Variants in DYNC2H1 observed in about 807,000 individuals in gnomAD.
The protein encoded by DYNC2H1 is cytoplasmic dynein 2 heavy chain 1.
A neutral mutation model predicts 570.0 loss-of-function variants in DYNC2H1; 410 were observed. That is an observed-to-expected ratio of 0.72 (90% CI 0.66 to 0.78). DYNC2H1 has a LOEUF of 0.78. DYNC2H1 is among the 30% of genes least tolerant of loss of function. The pLI is 0.00. For missense variants in DYNC2H1, 4,865 were observed against 5,046.4 expected, an observed-to-expected ratio of 0.96 and a Z score of 1.09; for synonymous variants, 1,688 against 1,677.6, an observed-to-expected ratio of 1.01 and a Z score of -0.15.
At chr11:103,440,860 C>A (rs1382338860) in intron 85 of DYNC2H1, among the ~76,000 whole-genome samples, 2 of 152,164 alleles carry the variant, frequency 1.3e-5, no homozygotes, top group Non-Finnish European at 2.9e-5. Context: ...ATTGAGGTAC[C>A]TTTTACTATC....
In DYNC2H1 at chr11:103,181,999, GA is replaced by G. The variant is rs906582694; in HGVS notation, c.6477+114del. The G allele has an allele frequency of 2.5e-6, 3 of 1,198,960 alleles. No homozygotes were observed. The African/African-American group carries it at 4.7e-5, about 19-fold the overall frequency. The allele number at this position is 1,198,960 out of a possible 1,614,324, so 74.3% of individuals were successfully genotyped here. A position where few individuals can be genotyped will look rare whatever the true frequency, so the allele number is the denominator to read the frequency against. On this transcript the variant is annotated intron_variant, in intron 40 of 88. Coordinates refer to ENST00000375735, the MANE Select transcript of DYNC2H1 (RefSeq NM_001377.3). This position sits in a 1 kb window ranked among gnomAD's most constrained non-coding sequence, Gnocchi z 5.0. ...CTGCTGGAATGTGGGTGTGAGGTGA[GA>G]GGTGGATTTTGTCACTGCTACTCCT...
chr11:103,399,959 T>C lies in DYNC2H1; in HGVS notation c.12366+87T>C, dbSNP rs1286728473. Reference sequence around the variant, plus strand: ...CATATATTTGTCAGGAATCATATAGTTAATAGCAGAAGACCCGAGTCACAC... The same window carrying C: ...CATATATTTGTCAGGAATCATATAGCTAATAGCAGAAGACCCGAGTCACAC... On this transcript the variant is annotated intron_variant, in intron 84 of 88. Transcript: ENST00000375735. 1.4e-5 allele frequency: 16 copies of C among 1,147,994 alleles called. No individual in the cohort carries two copies. In the East Asian group the frequency reaches 3.9e-4, roughly 28 times the overall value. The allele number at this position is 1,147,994 out of a possible 1,614,324, so 71.1% of individuals were successfully genotyped here.
rs759589846 is a variant in DYNC2H1, at chr11:103,158,656, A to G, written c.4128-21A>G. 9 of 1,510,772 alleles carry G rather than the reference A, an allele frequency of 6.0e-6. No individual in the cohort carries two copies. The South Asian group carries it at 9.0e-5, about 15-fold the overall frequency. 93.6% of individuals were successfully genotyped at this position (1,510,772 alleles called of 1,614,324 possible). On this transcript the variant is annotated intron_variant, in intron 26 of 88. Coordinates refer to ENST00000375735, the MANE Select transcript of DYNC2H1 (RefSeq NM_001377.3). ...CCAAATTGTTAAAGTAGATGTGAAG[A>G]TACTTTTTTTTCTTTTGTAGATCAA... is the stretch of plus-strand genomic sequence containing the variant.
Position 103,176,299 on chromosome 11 carries a change from T to C in DYNC2H1, c.5739T>C (p.Thr1913=). ...RLNTMSKFTF[T]DCTRFDALIK... ...ATACCATGTCAAAGTTTACGTTTAC[T>C]GATTGCACCCGGTTTGATGCACTGA... The change falls in exon 37 of 89, where the codon ACT becomes ACC. Residue 1913 remains threonine, a synonymous_variant. Coordinates refer to ENST00000375735, the MANE Select transcript of DYNC2H1 (RefSeq NM_001377.3). 1 of 1,551,884 alleles carries C rather than the reference T, an allele frequency of 6.4e-7. No individual in the cohort carries two copies. The highest frequency in any genetic ancestry group is 8.7e-7 in the Non-Finnish European group (1 of 1,147,794).
chr11:103,391,936 C>T (rs1414038711), intron 83 of DYNC2H1, among the ~76,000 whole-genome samples: 5 of 152,170 alleles, frequency 3.3e-5, no homozygotes, highest in African/African-American at 9.6e-5. Flanking sequence ...TTAGGCTACT[C>T]GGGGGTCAGG....
chr11:103,340,882 T>C (rs946951265), intron 82 of DYNC2H1, among the ~76,000 whole-genome samples: 3 of 152,032 alleles, frequency 2.0e-5, no homozygotes, highest in Admixed American at 1.3e-4. Flanking sequence ...AAAAAACAAA[T>C]TATAGTTGTA....
intron 75 of DYNC2H1, among the ~76,000 whole-genome samples, chr11:103,297,438 A>G (rs1312925586): frequency 6.6e-6 from 1 of 152,166 alleles, no homozygotes; most frequent in African/African-American, 2.4e-5. Context: ...GAAATGTGTC[A>G]GGCAGTTTCA....
intron 66 of DYNC2H1, among the ~76,000 whole-genome samples, chr11:103,253,724 T>C (rs930661279): frequency 1.3e-5 from 2 of 152,186 alleles, no homozygotes; most frequent in African/African-American, 2.4e-5. Flanking sequence ...ATTTGAGAGA[T>C]TGATGGATCG....
intron 20 of DYNC2H1, among the ~76,000 whole-genome samples, chr11:103,149,824 A>G (rs1860448385): frequency 6.6e-6 from 1 of 151,502 alleles, no homozygotes; most frequent in Non-Finnish European, 1.5e-5. Flanking sequence ...AGAGAGAGAG[A>G]GGGAGGAGAG....
At chr11:103,142,008 C>T (rs544754973) in intron 17 of DYNC2H1, among the ~76,000 whole-genome samples, 1 of 152,310 alleles carries the variant, frequency 6.6e-6, no homozygotes, top group East Asian at 1.9e-4. Flanking sequence ...AGGACCCTCC[C>T]AGCCATGTGC....
chr11:103,152,375 T>G, intron 21 of DYNC2H1, 90 bp downstream of exon 21: 1 of 1,232,266 alleles, frequency 8.1e-7, no homozygotes, highest in Admixed American at 2.8e-5. Context: ...AGCCCAGGTT[T>G]ATAATAATTT....
At chr11:103,198,832 C>T (rs182705463) in intron 48 of DYNC2H1, among the ~76,000 whole-genome samples, 1 of 152,264 alleles carries the variant, frequency 6.6e-6, no homozygotes, top group East Asian at 1.9e-4. Flanking sequence ...CAAACATTCA[C>T]AAAAGATTTT....
chr11:103,117,432 A>T (rs1858467814), intron 5 of DYNC2H1, among the ~76,000 whole-genome samples, 199 bp from the exon 6 acceptor site: 3 of 151,798 alleles, frequency 2.0e-5, no homozygotes, highest in Admixed American at 1.3e-4. Flanking sequence ...AGATGCAAAA[A>T]TGCAAAGCAA....
chr11:103,231,282 A>G lies in DYNC2H1; in HGVS notation c.9376A>G (p.Arg3126Gly). 1 of 1,605,466 alleles carries G rather than the reference A, an allele frequency of 6.2e-7. No homozygotes were observed. The highest frequency in any genetic ancestry group is 8.5e-7 in the Non-Finnish European group (1 of 1,176,232). ...TAGGAATCTGAAGAAAACTGAAGAC[A>G]GAAAAAGGAAACTAGAGGAGCTTCT... is the stretch of plus-strand genomic sequence containing the variant. The part of the protein sequence containing the change: ...LESNLKKTED[R>G]KRKLEELLNS... The change falls in exon 60 of 89, where the codon AGA becomes GGA. Residue 3126 changes from arginine to glycine, a missense_variant. By Grantham distance (125) the Arg-to-Gly change is moderately radical. Coordinates refer to ENST00000375735, the MANE Select transcript of DYNC2H1 (RefSeq NM_001377.3).
intron 70 of DYNC2H1, among the ~76,000 whole-genome samples, chr11:103,272,426 G>A (rs961738359): frequency 7.6e-4 from 115 of 152,244 alleles, no homozygotes; most frequent in Admixed American, 7.2e-4. Flanking sequence ...CCTGTCGTGG[G>A]GTGGGGGGAT....
chr11:103,400,018 G>A (rs1942571849), intron 84 of DYNC2H1, 146 bp downstream of exon 84: 5 of 661,168 alleles, frequency 7.6e-6, no homozygotes, highest in East Asian at 2.8e-5. Flanking sequence ...ATTGACTGAT[G>A]TAACTGAAGA....
At chr11:103,196,701 G>T (rs1199125050) in intron 47 of DYNC2H1, among the ~76,000 whole-genome samples, 1 of 152,126 alleles carries the variant, frequency 6.6e-6, no homozygotes, top group Non-Finnish European at 1.5e-5. Context: ...AACTGAAAAG[G>T]ACTGGTAGTT....
intron 84 of DYNC2H1, among the ~76,000 whole-genome samples, chr11:103,419,245 G>A (rs1488179193): frequency 6.6e-6 from 1 of 152,146 alleles, no homozygotes; most frequent in Admixed American, 6.5e-5. Flanking sequence ...GATGAGGAAG[G>A]GTCCCCCCTC....
At chr11:103,150,998 A>G (rs895172698) in intron 20 of DYNC2H1, among the ~76,000 whole-genome samples, 1 of 152,178 alleles carries the variant, frequency 6.6e-6, no homozygotes, top group African/African-American at 2.4e-5. Flanking sequence ...GCTGGATTTT[A>G]TATAGCAAAG....
Sources: allele counts gnomAD v4.1 joint callset (sites outside exome capture counted in the v4.1 genomes callset), GRCh38; gene constraint gnomAD v4.1.1; non-coding constraint Gnocchi (gnomAD v3.1); transcripts MANE v1.5; gene names NCBI Gene and HGNC (gene_info 2026-07-23, HGNC 2026-07-21).